Variants in MAPKAP1 observed in about 807,000 individuals in gnomAD.
MAPKAP1 encodes the protein target of rapamycin complex 2 subunit MAPKAP1.
MAPKAP1 carries 20 observed loss-of-function variants against 65.7 expected under a neutral mutation model. The observed-to-expected ratio is 0.30, with a 90% confidence interval of 0.21 to 0.44. MAPKAP1 has a LOEUF of 0.44. MAPKAP1 is among the 20% of genes least tolerant of loss of function. The pLI, the probability that MAPKAP1 is intolerant of heterozygous loss-of-function variation, is 1.00. For missense variants in MAPKAP1, 423 were observed against 648.0 expected (o/e 0.65, Z 3.77); for synonymous variants, 222 against 244.3 (o/e 0.91, Z 0.85).
intron 4 of MAPKAP1, among the ~76,000 whole-genome samples, chr9:125,647,934 CTTTT>C (rs59735781): frequency 7.8e-5 from 11 of 140,566 alleles, no homozygotes; most frequent in Non-Finnish European, 1.1e-4. Flanking sequence ...GTCCCAATAT[CTTTT>C]TTTTTTTTTT....
chr9:125,496,202 G>A (rs549077408), intron 8 of MAPKAP1, among the ~76,000 whole-genome samples: 100 of 152,322 alleles, frequency 6.6e-4, no homozygotes, highest in African/African-American at 2.2e-3. Context: ...ATTAACCAGA[G>A]AGGAAGACAA....
intron 3 of MAPKAP1, among the ~76,000 whole-genome samples, chr9:125,668,400 C>T (rs1177600897): frequency 6.6e-6 from 1 of 152,148 alleles, no homozygotes; most frequent in Non-Finnish European, 1.5e-5. Flanking sequence ...GAGGTAGAGG[C>T]TGCTATTAGT....
intron 8 of MAPKAP1, among the ~76,000 whole-genome samples, chr9:125,500,381 G>A (rs1482872876): frequency 2.7e-5 from 4 of 150,464 alleles, no homozygotes; most frequent in Non-Finnish European, 4.4e-5. Context: ...TTTTAGTAGA[G>A]ATGGGGTTTC....
intron 8 of MAPKAP1, among the ~76,000 whole-genome samples, chr9:125,491,774 TCAAAAAAAACCAAAAAAA>T (rs1854740189): frequency 6.8e-6 from 1 of 148,056 alleles, no homozygotes; most frequent in Non-Finnish European, 1.5e-5. Context: ...AGACCCTATC[TCAAAAAAAACCAAAAAAA>T]CAAAAAAAAA....
At chr9:125,440,318 G>A (rs1852432868) in intron 11 of MAPKAP1, among the ~76,000 whole-genome samples, 1 of 152,244 alleles carries the variant, frequency 6.6e-6, no homozygotes, top group Admixed American at 6.5e-5. Flanking sequence ...ATTTAGTCAA[G>A]GTCACAAAGC....
At chr9:125,682,788 T>C (rs1834861215) in intron 1 of MAPKAP1, among the ~76,000 whole-genome samples, 1 of 152,228 alleles carries the variant, frequency 6.6e-6, no homozygotes, top group African/African-American at 2.4e-5. Flanking sequence ...TAACTAGCAC[T>C]CAATTGTCTA....
chr9:125,539,034 A>G (rs933978786), intron 7 of MAPKAP1, among the ~76,000 whole-genome samples: 8 of 152,188 alleles, frequency 5.3e-5, no homozygotes, highest in African/African-American at 1.9e-4. Flanking sequence ...AGCCCCGTAC[A>G]CTATCTCACT....
At chr9:125,665,736 A>G (rs1834322104) in intron 3 of MAPKAP1, among the ~76,000 whole-genome samples, 1 of 152,198 alleles carries the variant, frequency 6.6e-6, no homozygotes, top group East Asian at 1.9e-4. Flanking sequence ...AGGGAATGTT[A>G]TTATAACATG....
rs773555399 is a variant in MAPKAP1 at position 125,467,923 on chromosome 9, AAG to A, written c.1345+47_1345+48del. ...TCCTGGCACCCAGCACACAGAAGAG[AAG>A]AGAGGGGAAAGAGAGAAAGGAGACA... is the stretch of plus-strand genomic sequence containing the variant. On this transcript the variant is annotated intron_variant, in intron 10 of 11. Transcript: ENST00000265960. The A allele has an allele frequency of 3.1e-6, 5 of 1,597,706 alleles. No homozygotes were observed. In the African/African-American group the frequency reaches 6.7e-5, roughly 22 times the overall value.
intron 4 of MAPKAP1, among the ~76,000 whole-genome samples, 198 bp from the exon 5 acceptor site, chr9:125,585,925 T>G (rs1225229512): frequency 2.0e-5 from 3 of 152,168 alleles, no homozygotes; most frequent in Non-Finnish European, 4.4e-5. Flanking sequence ...TATAATAAAC[T>G]AATGGATCGG....
chr9:125,594,524 G>A (rs934423208), intron 4 of MAPKAP1, among the ~76,000 whole-genome samples: 8 of 152,182 alleles, frequency 5.3e-5, no homozygotes, highest in Admixed American at 1.3e-4. Context: ...TATCTAAAAT[G>A]CCTGCCACAA....
At chr9:125,553,476 A>G (rs1830644717) in intron 6 of MAPKAP1, among the ~76,000 whole-genome samples, 1 of 151,714 alleles carries the variant, frequency 6.6e-6, no homozygotes, top group African/African-American at 2.4e-5. Flanking sequence ...TGGGAGGCGG[A>G]GGTTGCAGTG....
chr9:125,659,585 T>C (rs1277680488), intron 3 of MAPKAP1, among the ~76,000 whole-genome samples: 3 of 152,026 alleles, frequency 2.0e-5, no homozygotes, highest in Non-Finnish European at 4.4e-5. Flanking sequence ...AGCCCTTCCC[T>C]TGTGCACTAG....
At chr9:125,594,814 A>C (rs923087320) in intron 4 of MAPKAP1, among the ~76,000 whole-genome samples, 10 of 152,174 alleles carry the variant, frequency 6.6e-5, no homozygotes, top group African/African-American at 2.2e-4. Context: ...AGCTGGCTAA[A>C]TCAAAAGGAC....
At chr9:125,638,545 CTT>C (rs1209461977) in intron 4 of MAPKAP1, among the ~76,000 whole-genome samples, 2 of 152,216 alleles carry the variant, frequency 1.3e-5, no homozygotes, top group Non-Finnish European at 2.9e-5. Context: ...ACAAAATACA[CTT>C]TAATATTTTT....
chr9:125,601,330 C>T (rs1832293480), intron 4 of MAPKAP1, among the ~76,000 whole-genome samples: 3 of 151,798 alleles, frequency 2.0e-5, no homozygotes, highest in Non-Finnish European at 4.4e-5. Context: ...ATGTCATATT[C>T]ATTTCTTGCA....
intron 1 of MAPKAP1, among the ~76,000 whole-genome samples, chr9:125,673,158 G>A (rs1411272500): frequency 1.3e-5 from 2 of 152,222 alleles, no homozygotes; most frequent in East Asian, 1.9e-4. Context: ...TAAAAATGAT[G>A]TACCACCAAA....
chr9:125,625,270 A>ATAAATAAAT lies in MAPKAP1; in HGVS notation c.498+32380_498+32381insATTTATTTA, dbSNP rs1225367114. The stretch of plus-strand genomic sequence containing the variant: ...AATAAATAAATAAAAAAAAAAAAAA[A>ATAAATAAAT]AAAAAAAAAACAAGGGAGAGAATTT... On this transcript the variant is annotated intron_variant, in intron 4 of 11. Transcript: ENST00000265960. Among the ~76,000 whole-genome samples, 893 of 135,998 alleles carry ATAAATAAAT rather than the reference A, an allele frequency of 6.6e-3. 13 individuals are homozygous for ATAAATAAAT. The highest frequency in any genetic ancestry group is 9.4e-3 in the Non-Finnish European group (578 of 61,812). 89.2% of individuals were successfully genotyped at this position (135,998 alleles called of 152,430 possible).
intron 5 of MAPKAP1, among the ~76,000 whole-genome samples, chr9:125,579,188 GT>G (rs1831540943): frequency 6.6e-6 from 1 of 152,206 alleles, no homozygotes; most frequent in African/African-American, 2.4e-5. Flanking sequence ...GTTAACAGAC[GT>G]AAGTGTAAAG....
Sources: allele counts gnomAD v4.1 joint callset (sites outside exome capture counted in the v4.1 genomes callset), GRCh38; gene constraint gnomAD v4.1.1; transcripts MANE v1.5; gene names NCBI Gene and HGNC (gene_info 2026-07-23, HGNC 2026-07-21).